The following GPATCH8 variants were observed in gnomAD, a reference collection of about 807,000 sequenced individuals.
The protein encoded by GPATCH8 is G-patch domain containing 8.
Under a neutral mutation model 118.3 loss-of-function variants are expected in GPATCH8, and 18 were observed. The ratio of observed to expected loss-of-function variants is 0.15; its 90% CI spans 0.11 to 0.23. The LOEUF is 0.23. Ranked by LOEUF, GPATCH8 falls within the 10% of genes least tolerant of loss-of-function variation. The pLI is 1.00. For synonymous variants in GPATCH8, 659 were observed against 684.7 expected, an observed-to-expected ratio of 0.96 and a Z score of 0.59; for missense variants, 1,631 against 1,873.8, an observed-to-expected ratio of 0.87 and a Z score of 2.39.
intron 2 of GPATCH8, chr17:44,465,231 T>C (rs896957762): frequency 2.0e-5 from 3 of 152,104 alleles, no homozygotes; most frequent in Non-Finnish European, 4.4e-5. Flanking sequence ...GAGTGATGCA[T>C]TTCAACATGT....
intron 3 of GPATCH8, among the ~76,000 whole-genome samples, chr17:44,457,801 G>A (rs897092922): frequency 2.0e-5 from 3 of 151,990 alleles, no homozygotes; most frequent in East Asian, 1.9e-4. Context: ...TCAGGCGTTC[G>A]CCGGGCGCAG....
In GPATCH8 at chr17:44,449,554, T is replaced by C. The variant is rs140279302; in HGVS notation, c.194-13009A>G. On this transcript the variant is annotated intron_variant, in intron 3 of 7. Coordinates refer to ENST00000591680, the MANE Select transcript of GPATCH8 (RefSeq NM_001002909.4). ...TTCCTGAGACAGAGTTTCACTCTTG[T>C]TGCCCAGGCTGGAGTGCAATGGCGT... Among the ~76,000 whole-genome samples the C allele has an allele frequency of 6.2e-3, 931 of 150,044 alleles. 2 individuals carry two copies. The highest frequency in any genetic ancestry group is 0.021 in the African/African-American group (870 of 40,724).
At chr17:44,492,256 G>A in intron 1 of GPATCH8, among the ~76,000 whole-genome samples, 1 of 103,612 alleles carries the variant, frequency 9.7e-6, no homozygotes, top group Non-Finnish European at 1.9e-5. Flanking sequence ...AGCTGAGATG[G>A]CTCCACTGCA....
At chr17:44,423,596 T>C (rs1350017106) in intron 6 of GPATCH8, among the ~76,000 whole-genome samples, 1 of 152,186 alleles carries the variant, frequency 6.6e-6, no homozygotes, top group Non-Finnish European at 1.5e-5. Context: ...TAAGTTATGT[T>C]AAAGTCACCC....
At chr17:44,414,103 G>A (rs527784514) in intron 6 of GPATCH8, among the ~76,000 whole-genome samples, 1 of 119,812 alleles carries the variant, frequency 8.3e-6, no homozygotes, top group East Asian at 2.2e-4. Flanking sequence ...ATATATATGT[G>A]TGTATATATA....
chr17:44,412,678 C>A (rs940751105), intron 6 of GPATCH8, among the ~76,000 whole-genome samples: 6 of 152,158 alleles, frequency 3.9e-5, no homozygotes, highest in African/African-American at 1.4e-4. Flanking sequence ...GCCACCACAC[C>A]CAGCTGAACC....
intron 3 of GPATCH8, among the ~76,000 whole-genome samples, chr17:44,452,222 G>A (rs2051138083): frequency 7.2e-6 from 1 of 139,816 alleles, no homozygotes; most frequent in Non-Finnish European, 1.5e-5. Flanking sequence ...GCAGTGAGCC[G>A]AGACTGCACC....
rs2051691763 is a variant in GPATCH8, at chr17:44,464,706, T to A, written c.121-162A>T. 4 of 641,678 alleles carry A rather than the reference T, an allele frequency of 6.2e-6. No homozygotes were observed. The South Asian group carries it at 7.0e-5, about 11-fold the overall frequency. 39.7% of individuals were successfully genotyped at this position (641,678 alleles called of 1,614,324 possible). On this transcript the variant is annotated intron_variant, in intron 2 of 7. Coordinates refer to ENST00000591680, the MANE Select transcript of GPATCH8 (RefSeq NM_001002909.4). ...ATGTGCCCAATAAGAGGGACATTAA[T>A]GTAAAAAGAAAAGCTGGCTAGTATT...
At position 44,398,525 on chromosome 17, in the gene GPATCH8, A is replaced by G; in HGVS notation, c.3552T>C (p.Ser1184=). Residue 1184 remains serine (S), a synonymous_variant, in exon 8 of 8, where the codon AGT becomes AGC. Transcript: ENST00000591680. ...QSETEEGPPG[S]SDALFGHQFP... is the part of the protein sequence containing the mutation. ...ACTGATGCCCAAATAGGGCATCACT[A>G]CTCCCTGGGGGCCCCTCTTCTGTCT... 1 of 1,596,514 alleles carries G rather than the reference A, an allele frequency of 6.3e-7. No individual in the cohort carries two copies. The highest frequency in any genetic ancestry group is 8.5e-7 in the Non-Finnish European group (1 of 1,172,302).
Position 44,400,790 on chromosome 17 carries a change from C to T in GPATCH8, c.1287G>A (p.Lys429=), listed in dbSNP as rs1363064085. 3.1e-6 allele frequency: 5 copies of T among 1,614,094 alleles called. 1 individual carries two copies. In the South Asian group the frequency reaches 5.5e-5, roughly 18 times the overall value. ...TGCCTTTTTTACTCTCTGGGGCATT[C>T]TTTGGGTGTGTAGTATTATCACCAT... ...QMDGDNTTHP[K]NAPESKKGSS... Residue 429 remains lysine, a synonymous_variant, in exon 8 of 8, where the codon AAG becomes AAA. Coordinates refer to ENST00000591680, the MANE Select transcript of GPATCH8 (RefSeq NM_001002909.4).
chr17:44,459,049 T>C (rs2051448323), intron 3 of GPATCH8, among the ~76,000 whole-genome samples: 1 of 152,208 alleles, frequency 6.6e-6, no homozygotes, highest in African/African-American at 2.4e-5. Flanking sequence ...GTTGTTCCAA[T>C]GCCACGACTG....
At chr17:44,413,020 C>T (rs1378107471) in intron 6 of GPATCH8, among the ~76,000 whole-genome samples, 2 of 152,036 alleles carry the variant, frequency 1.3e-5, no homozygotes, top group African/African-American at 4.8e-5. Flanking sequence ...AGAGAAAAGA[C>T]CAGGAGAGAA....
In GPATCH8 at chr17:44,400,690, C is replaced by G; in HGVS notation, c.1387G>C (p.Glu463Gln). 6.2e-7 allele frequency: 1 copy of G among 1,611,132 alleles called. No homozygotes were observed. The change falls in exon 8 of 8, where the codon GAG becomes CAG. Residue 463 changes from glutamate to glutamine, a missense_variant. Glu to Gln is a conservative substitution (Grantham distance 29). This residue lies in a region of GPATCH8 where 405 missense variants were observed against 462.7 expected (regional missense o/e 0.88). Coordinates refer to ENST00000591680, the MANE Select transcript of GPATCH8 (RefSeq NM_001002909.4). ...GAEKTVSEVS[E>Q]QPKETSMTEP... ...GTCATGCTGGTTTCCTTCGGCTGCT[C>G]AGAGACTTCACTAACTGTCTTTTCT...
intron 3 of GPATCH8, among the ~76,000 whole-genome samples, chr17:44,463,305 C>A (rs2051632994): frequency 6.6e-6 from 1 of 152,170 alleles, no homozygotes; most frequent in Non-Finnish European, 1.5e-5. Context: ...AATTAGTCAA[C>A]AGTAGCACAC....
At chr17:44,451,239 G>A (rs901453038) in intron 3 of GPATCH8, among the ~76,000 whole-genome samples, 8 of 152,046 alleles carry the variant, frequency 5.3e-5, no homozygotes, top group South Asian at 2.1e-4. Context: ...GATTACAGGC[G>A]TGCACCAACA....
intron 1 of GPATCH8, among the ~76,000 whole-genome samples, chr17:44,500,115 A>C (rs1248101697): frequency 1.3e-5 from 2 of 152,346 alleles, no homozygotes; most frequent in East Asian, 3.9e-4. Context: ...TTTGTCACCT[A>C]TAAGTCTATC....
intron 6 of GPATCH8, chr17:44,407,381 T>C (rs967204698): frequency 1.3e-5 from 2 of 151,800 alleles, no homozygotes; most frequent in African/African-American, 4.8e-5. Flanking sequence ...CTGTAAACTA[T>C]TATACTGAAC....
At chr17:44,448,553 G>A (rs1195465810) in intron 3 of GPATCH8, among the ~76,000 whole-genome samples, 2 of 101,350 alleles carry the variant, frequency 2.0e-5, no homozygotes, top group Non-Finnish European at 4.0e-5. Flanking sequence ...AGAAGAGGAA[G>A]AGGAAGAAGA....
At chr17:44,486,483 A>C (rs904041698) in intron 1 of GPATCH8, 15 of 152,208 alleles carry the variant, frequency 9.9e-5, no homozygotes, top group African/African-American at 3.4e-4. Context: ...GAACTTAAAA[A>C]AAATTTTTTT....
Sources: gnomAD v4.1 joint callset for allele counts (sites outside exome capture counted in the v4.1 genomes callset) on GRCh38, gnomAD v4.1.1 for gene constraint, gnomAD v4.1.1 regional missense constraint, MANE v1.5 for transcripts, NCBI Gene and HGNC (gene_info 2026-07-23, HGNC 2026-07-21) for gene names.